The following LPXN variants were observed in gnomAD, a reference collection of about 807,000 sequenced individuals.
LPXN encodes leupaxin.
In LPXN, 28 loss-of-function variants were observed where a neutral mutation model predicts 45.6. The ratio of observed to expected loss-of-function variants is 0.61; its 90% CI spans 0.45 to 0.84. The LOEUF (loss-of-function observed/expected upper bound fraction) is 0.84, where lower values mean the gene tolerates loss of function less well. LPXN is among the 40% of genes least tolerant of loss of function. LPXN has a pLI of 0.00. For missense variants in LPXN, 459 were observed against 475.0 expected (o/e 0.97, Z 0.31); for synonymous variants, 166 against 169.9 (o/e 0.98, Z 0.18).
Position 58,571,209 on chromosome 11 carries a change from G to A in LPXN, c.14-496C>T, listed in dbSNP as rs553766383. Among the ~76,000 whole-genome samples the A allele has an allele frequency of 9.2e-5, 14 of 152,104 alleles. No homozygotes were observed. In the South Asian group the frequency reaches 2.5e-3, roughly 27 times the overall value. On this transcript the variant is annotated intron_variant, in intron 1 of 8. Coordinates refer to ENST00000395074, the MANE Select transcript of LPXN (RefSeq NM_004811.3). ...AAAAAAGTCAGCCCAGCATGGTGAT[G>A]CACACCTGTGGTCCCAGCTACTTGG...
upstream of LPXN, chr11:58,577,907 A>G: frequency 8.3e-7 from 1 of 1,210,886 alleles, no homozygotes; most frequent in Non-Finnish European, 1.1e-6. Context: ...AGATTTGATT[A>G]AGAGCCAACT....
chr11:58,551,362 T>C (rs1375059760), intron 4 of LPXN, 130 bp from the exon 5 acceptor site: 1 of 650,350 alleles, frequency 1.5e-6, no homozygotes, highest in Non-Finnish European at 2.3e-6. Flanking sequence ...TGCAAGACAT[T>C]GGAAAAATCT....
At chr11:58,578,767 G>A (rs536809715), upstream of LPXN, among the ~76,000 whole-genome samples, 1 of 152,168 alleles carries the variant, frequency 6.6e-6, no homozygotes, top group African/African-American at 2.4e-5. Context: ...CGGGGAAAGA[G>A]GTGCGATTTC....
Position 58,570,580 on chromosome 11 carries a change from A to G in LPXN, c.147T>C (p.Ile49=). ...NLDETSEILS[I]QDNTSPLPAQ... ...CCGGCAAGGGACTTGTGTTATCCTG[A>G]ATAGAAAGGATCTCCGAAGTCTCAT... Residue 49 remains isoleucine, a synonymous_variant, in exon 2 of 9, where the codon ATT becomes ATC. Transcript: ENST00000395074. 6.2e-7 allele frequency: 1 copy of G among 1,613,058 alleles called. No homozygotes were observed. The highest frequency in any genetic ancestry group is 1.1e-5 in the South Asian group (1 of 91,018).
At chr11:58,534,893 T>C (rs1015554682) in intron 7 of LPXN, among the ~76,000 whole-genome samples, 4 of 152,100 alleles carry the variant, frequency 2.6e-5, no homozygotes, top group African/African-American at 9.7e-5. Flanking sequence ...TGTAAACACC[T>C]CTATACAAAT....
At chr11:58,555,361 C>A (rs1854170769) in intron 3 of LPXN, among the ~76,000 whole-genome samples, 1 of 152,174 alleles carries the variant, frequency 6.6e-6, no homozygotes, top group Admixed American at 6.5e-5. Context: ...AACAAACTTA[C>A]TATCTGCCTC....
chr11:58,532,536 T>C (rs2120192171), intron 7 of LPXN, among the ~76,000 whole-genome samples: 1 of 151,692 alleles, frequency 6.6e-6, no homozygotes, highest in East Asian at 1.9e-4. Flanking sequence ...TAAAGGTTTG[T>C]AAATGCACCA....
In LPXN at chr11:58,575,753, CACTCACCTA is replaced by C. The variant is rs1403304371; in HGVS notation, c.11_13+6del. On this transcript the variant is annotated splice_donor_variant and splice_donor_5th_base_variant and coding_sequence_variant and intron_variant, in exon 1 of 9. Coordinates refer to ENST00000395074, the MANE Select transcript of LPXN (RefSeq NM_004811.3). LOFTEE classifies it high-confidence loss of function. Reference sequence around the variant, plus strand: ...CCTCAGAGTTTCTCCTCAGGCTCCTCACTCACCTAACTCTTCCATTGTCCTACATCCAAG... The same window carrying C: ...CCTCAGAGTTTCTCCTCAGGCTCCTCACTCTTCCATTGTCCTACATCCAAG... 3.7e-6 allele frequency: 6 copies of C among 1,614,098 alleles called. No homozygotes were observed. Among genetic ancestry groups the C allele is most frequent in the Non-Finnish European group, 5.1e-6 (6 of 1,180,048 alleles).
intron 7 of LPXN, among the ~76,000 whole-genome samples, chr11:58,542,780 G>T (rs1853768936): frequency 6.6e-6 from 1 of 151,980 alleles, no homozygotes; most frequent in Admixed American, 6.6e-5. Context: ...TATAAAAAAA[G>T]AATTTTAGGC....
rs1363781612 is a variant in LPXN, at chr11:58,551,852, G to A, written c.319-620C>T. Among the ~76,000 whole-genome samples the A allele has an allele frequency of 2.0e-5, 3 of 152,276 alleles. No individual in the cohort carries two copies. In the East Asian group the frequency reaches 5.8e-4, roughly 29 times the overall value. ...GAAGTAATATTTGAGTAGATACTTG[G>A]GACTTAGAAATATTGACATTTATGG... is the stretch of plus-strand genomic sequence containing the variant. On this transcript the variant is annotated intron_variant, in intron 4 of 8. Transcript: ENST00000395074.
At chr11:58,569,709 T>C (rs1488591177) in intron 2 of LPXN, among the ~76,000 whole-genome samples, 1 of 152,124 alleles carries the variant, frequency 6.6e-6, no homozygotes, top group Non-Finnish European at 1.5e-5. Context: ...AAAATATATA[T>C]ATAATCACTT....
upstream of LPXN, among the ~76,000 whole-genome samples, chr11:58,576,691 T>C (rs1854902915): frequency 1.3e-5 from 2 of 152,228 alleles, no homozygotes; most frequent in Middle Eastern, 3.2e-3. Context: ...GTTCATGTAA[T>C]AGCAACTTGC....
intron 7 of LPXN, 43 bp downstream of exon 7, chr11:58,549,743 A>G: frequency 6.5e-7 from 1 of 1,527,990 alleles, no homozygotes; most frequent in Non-Finnish European, 9.1e-7. Flanking sequence ...TCTTATAACT[A>G]CCCACTGGGG....
chr11:58,538,207 A>G (rs879339910), intron 7 of LPXN, among the ~76,000 whole-genome samples: 1 of 151,938 alleles, frequency 6.6e-6, no homozygotes, highest in East Asian at 1.9e-4. Context: ...AGTCTTTGCT[A>G]TTGTGAATAG....
intron 7 of LPXN, among the ~76,000 whole-genome samples, chr11:58,529,751 A>C (rs1166409894): frequency 6.6e-6 from 1 of 152,210 alleles, no homozygotes; most frequent in Non-Finnish European, 1.5e-5. Flanking sequence ...TGGCAGGATG[A>C]CCGAATAGGA....
chr11:58,564,940 C>T (rs1854484365), intron 2 of LPXN, among the ~76,000 whole-genome samples: 1 of 151,972 alleles, frequency 6.6e-6, no homozygotes, highest in South Asian at 2.1e-4. Flanking sequence ...GTGGAAAGGC[C>T]AGCAGGAAAA....
chr11:58,539,071 C>T (rs1227907454), intron 7 of LPXN, among the ~76,000 whole-genome samples: 1 of 152,132 alleles, frequency 6.6e-6, no homozygotes, highest in African/African-American at 2.4e-5. Flanking sequence ...CTTTGAGAGG[C>T]TGAGGCGGGA....
At chr11:58,576,167 CTTTCT>C (rs1445726922), upstream of LPXN, among the ~76,000 whole-genome samples, 1 of 150,960 alleles carries the variant, frequency 6.6e-6, no homozygotes, top group Non-Finnish European at 1.5e-5. Flanking sequence ...CTCTGAGCAT[CTTTCT>C]TTTTTCTTTT....
rs1433311598 is a variant in LPXN, at chr11:58,570,575, T to A, written c.152A>T (p.Asp51Val). The A allele has an allele frequency of 1.2e-6, 2 of 1,612,716 alleles. No individual in the cohort carries two copies. Among genetic ancestry groups the A allele is most frequent in the Non-Finnish European group, 1.7e-6 (2 of 1,179,612 alleles). ...ATTTACCGGCAAGGGACTTGTGTTA[T>A]CCTGAATAGAAAGGATCTCCGAAGT... is the stretch of plus-strand genomic sequence containing the variant. ...DETSEILSIQDNTSPLPAQLV... is the reference protein window; with the variant it reads ...DETSEILSIQVNTSPLPAQLV... Residue 51 changes from aspartate to valine, a missense_variant, in exon 2 of 9, where the codon GAT (aspartate) becomes GTT (valine). Coordinates refer to ENST00000395074, the MANE Select transcript of LPXN (RefSeq NM_004811.3).
Sources: allele counts gnomAD v4.1 joint callset (sites outside exome capture counted in the v4.1 genomes callset), GRCh38; gene constraint gnomAD v4.1.1; transcripts MANE v1.5; gene names NCBI Gene and HGNC (gene_info 2026-07-23, HGNC 2026-07-21).